The following RAP1GDS1 variants were observed in gnomAD, a reference collection of about 807,000 sequenced individuals.
RAP1GDS1 encodes the protein RAP1, GTP-GDP dissociation stimulator 1.
Under a neutral mutation model 71.1 loss-of-function variants are expected in RAP1GDS1, and 35 were observed. That is an observed-to-expected ratio of 0.49 (90% CI 0.38 to 0.65). The LOEUF (loss-of-function observed/expected upper bound fraction) is 0.65. RAP1GDS1 is among the 30% of genes least tolerant of loss of function. RAP1GDS1 has a pLI of 0.00. For missense variants in RAP1GDS1, 663 were observed against 706.1 expected (o/e 0.94, Z 0.69); for synonymous variants, 229 against 243.1 (o/e 0.94, Z 0.54).
chr4:98,348,431 G>A lies in RAP1GDS1; in HGVS notation c.236-4045G>A, dbSNP rs142916676. On this transcript the variant is annotated intron_variant, in intron 3 of 14. Transcript: ENST00000408927. ...GAATAGTGCCACAGTAAACATACGT[G>A]TGCATGTGTCTTTATAGCAGCATGA... Among the ~76,000 whole-genome samples, 485 of 152,292 alleles carry A rather than the reference G, an allele frequency of 3.2e-3. 1 individual carries two copies. The highest frequency in any genetic ancestry group is 0.011 in the African/African-American group (466 of 41,554).
intron 4 of RAP1GDS1, among the ~76,000 whole-genome samples, chr4:98,375,582 A>AT (rs1741054096): frequency 6.6e-6 from 1 of 152,198 alleles, no homozygotes; most frequent in Admixed American, 6.5e-5. Context: ...TATTAGAAAG[A>AT]TTTTTGATAC....
rs1324989297 is a variant in RAP1GDS1 at position 98,352,504 on chromosome 4, T to C, written c.264T>C (p.Ala88=). The C allele has an allele frequency of 6.2e-7, 1 of 1,613,894 alleles. No homozygotes were observed. The highest frequency in any genetic ancestry group is 8.5e-7 in the Non-Finnish European group (1 of 1,179,910). The change falls in exon 4 of 15, where the codon GCT becomes GCC. Residue 88 remains alanine, a synonymous_variant. Transcript: ENST00000408927. Reference sequence around the variant, plus strand: ...TTATGCGAATTCCATGTGTGGATGCTGGATTGATTTCACCACTGGTGCAGC... The same window carrying C: ...TTATGCGAATTCCATGTGTGGATGCCGGATTGATTTCACCACTGGTGCAGC... ...NEFMRIPCVD[A]GLISPLVQLL... is the part of the protein sequence containing the mutation.
At chr4:98,307,736 T>C (rs907820027) in intron 2 of RAP1GDS1, among the ~76,000 whole-genome samples, 4 of 152,206 alleles carry the variant, frequency 2.6e-5, no homozygotes, top group African/African-American at 9.6e-5. Context: ...AGCCACCTTC[T>C]GTTCTTCATT....
intron 2 of RAP1GDS1, among the ~76,000 whole-genome samples, chr4:98,306,498 A>G (rs1485376097): frequency 6.6e-6 from 1 of 152,242 alleles, no homozygotes; most frequent in African/African-American, 2.4e-5. Context: ...AAGTTTTAAT[A>G]CATGACTTTT....
chr4:98,289,148 TATTTA>T (rs1166810124), intron 1 of RAP1GDS1, among the ~76,000 whole-genome samples: 3 of 152,180 alleles, frequency 2.0e-5, no homozygotes, highest in African/African-American at 7.2e-5. Flanking sequence ...TGGGACAACT[TATTTA>T]ATTCTCAGCA....
chr4:98,374,429 A>G (rs1167221853), intron 4 of RAP1GDS1, among the ~76,000 whole-genome samples: 2 of 152,152 alleles, frequency 1.3e-5, no homozygotes, highest in Admixed American at 6.6e-5. Context: ...CCTGTAACGT[A>G]GTCATTATCG....
At chr4:98,431,159 A>G (rs879829117) in intron 12 of RAP1GDS1, among the ~76,000 whole-genome samples, 4 of 152,244 alleles carry the variant, frequency 2.6e-5, no homozygotes, top group Non-Finnish European at 5.9e-5. Context: ...ACCAGGCTAA[A>G]AACTTGTTTA....
At chr4:98,371,876 A>T (rs531446801) in intron 4 of RAP1GDS1, among the ~76,000 whole-genome samples, 2 of 152,288 alleles carry the variant, frequency 1.3e-5, no homozygotes, top group South Asian at 4.1e-4. Context: ...ATATTCTTAA[A>T]GTGGGTTAAT....
Position 98,338,222 on chromosome 4 carries a change from G to T in RAP1GDS1, c.113-4917G>T, listed in dbSNP as rs144806230. Among the ~76,000 whole-genome samples the T allele has an allele frequency of 2.8e-3, 422 of 152,284 alleles. 2 individuals carry two copies. Among genetic ancestry groups the T allele is most frequent in the African/African-American group, 9.7e-3 (403 of 41,568 alleles). ...AAGAGAAAATTTTATAATTATTCTA[G>T]GGCTTCTGGCTTAAATGGGTTTCCT... On this transcript the variant is annotated intron_variant, in intron 2 of 14. Transcript: ENST00000408927.
intron 2 of RAP1GDS1, among the ~76,000 whole-genome samples, chr4:98,303,786 A>G (rs1728921591): frequency 6.6e-6 from 1 of 152,054 alleles, no homozygotes; most frequent in Admixed American, 6.6e-5. Flanking sequence ...AGTTTGCTGC[A>G]CCTATCAACC....
At chr4:98,331,487 A>G (rs1457727976) in intron 2 of RAP1GDS1, among the ~76,000 whole-genome samples, 1 of 150,692 alleles carries the variant, frequency 6.6e-6, no homozygotes, top group Non-Finnish European at 1.5e-5. Context: ...GAAGTTTATT[A>G]TCAACAATTG....
chr4:98,303,402 A>G (rs1348395722), intron 2 of RAP1GDS1, among the ~76,000 whole-genome samples: 1 of 152,004 alleles, frequency 6.6e-6, no homozygotes, highest in Non-Finnish European at 1.5e-5. Context: ...ACAAATTAAA[A>G]AATGTAAAAT....
chr4:98,348,609 C>T (rs1736666461), intron 3 of RAP1GDS1, among the ~76,000 whole-genome samples: 1 of 152,170 alleles, frequency 6.6e-6, no homozygotes, highest in Non-Finnish European at 1.5e-5. Flanking sequence ...CCTATTTCTC[C>T]ACAGCCAATC....
At chr4:98,404,709 G>A in intron 7 of RAP1GDS1, 107 bp downstream of exon 7, 2 of 1,334,430 alleles carry the variant, frequency 1.5e-6, no homozygotes, top group Admixed American at 2.5e-5. Flanking sequence ...TTCTTTATTA[G>A]TGATATGTTT....
chr4:98,276,068 TG>T (rs1270695457), intron 1 of RAP1GDS1, among the ~76,000 whole-genome samples: 1 of 152,138 alleles, frequency 6.6e-6, no homozygotes, highest in Non-Finnish European at 1.5e-5. Context: ...TTCTGGTGAC[TG>T]GGAAGTTCAA....
intron 2 of RAP1GDS1, chr4:98,296,968 C>T (rs1727858081): frequency 1.4e-5 from 4 of 294,600 alleles, no homozygotes; most frequent in South Asian, 5.9e-5. Context: ...TGCCATACAG[C>T]TTTAAACTCT....
intron 12 of RAP1GDS1, among the ~76,000 whole-genome samples, chr4:98,424,391 T>C (rs190946688): frequency 4.3e-4 from 65 of 152,148 alleles, no homozygotes; most frequent in Non-Finnish European, 8.4e-4. Context: ...TAACAATAGC[T>C]GATGAGCTTA....
chr4:98,319,238 G>T (rs1359125038), intron 2 of RAP1GDS1, among the ~76,000 whole-genome samples: 1 of 152,134 alleles, frequency 6.6e-6, no homozygotes, highest in Non-Finnish European at 1.5e-5. Context: ...ATGAGTCATT[G>T]CATGAATCTA....
chr4:98,418,704 A>T lies in RAP1GDS1; in HGVS notation c.1087A>T (p.Met363Leu). The change falls in exon 10 of 15, where the codon ATG (methionine) becomes TTG (leucine). Residue 363 changes from methionine to leucine, a missense_variant. Coordinates refer to ENST00000408927, the MANE Select transcript of RAP1GDS1 (RefSeq NM_001100427.2). ...AGACAATGGGATTGTAGAAAAACTT[A>T]TGGATTTACTGGACAGACATGTAGA... ...MVDNGIVEKL[M>L]DLLDRHVEDG... The T allele has an allele frequency of 6.2e-7, 1 of 1,611,950 alleles. No individual in the cohort carries two copies. Among genetic ancestry groups the T allele is most frequent in the South Asian group, 1.1e-5 (1 of 90,536 alleles).
Sources: gnomAD v4.1 joint callset for allele counts (sites outside exome capture counted in the v4.1 genomes callset) on GRCh38, gnomAD v4.1.1 for gene constraint, MANE v1.5 for transcripts, NCBI Gene and HGNC (gene_info 2026-07-23, HGNC 2026-07-21) for gene names.